The following PLPP1 variants were observed in gnomAD, a reference collection of about 807,000 sequenced individuals.
The protein encoded by PLPP1 is lipid phosphate phosphohydrolase 1a.
In PLPP1, 24 loss-of-function variants were observed where a neutral mutation model predicts 31.2. The observed-to-expected ratio is 0.77, with a 90% CI of 0.56 to 1.08. The LOEUF (loss-of-function observed/expected upper bound fraction) is 1.08, where lower values mean the gene tolerates loss of function less well. Among genes scored for constraint, PLPP1 ranks in the 50% least tolerant of loss-of-function variants. PLPP1 has a pLI of 0.00. For synonymous variants in PLPP1, 146 were observed against 126.3 expected (o/e 1.16, Z -1.05); for missense variants, 319 against 342.7 (o/e 0.93, Z 0.55).
chr5:55,509,577 A>G (rs933459779), intron 1 of PLPP1, among the ~76,000 whole-genome samples: 17 of 152,208 alleles, frequency 1.1e-4, no homozygotes, highest in Non-Finnish European at 1.9e-4. Flanking sequence ...TGGTTTTTAC[A>G]TTTGTAGTTT....
chr5:55,445,930 C>T (rs1365158179), intron 3 of PLPP1, among the ~76,000 whole-genome samples: 4 of 152,086 alleles, frequency 2.6e-5, no homozygotes, highest in East Asian at 3.9e-4. Flanking sequence ...GCTATCATTG[C>T]GCTATCTTCT....
chr5:55,462,731 T>G (rs549958982), intron 3 of PLPP1, among the ~76,000 whole-genome samples: 2 of 152,244 alleles, frequency 1.3e-5, no homozygotes, highest in South Asian at 4.2e-4. Context: ...CCCAGCACTT[T>G]GGGAGGCCAA....
chr5:55,458,272 TGGA>T (rs1752065404), intron 3 of PLPP1, among the ~76,000 whole-genome samples: 6 of 152,264 alleles, frequency 3.9e-5, no homozygotes, highest in Admixed American at 2.6e-4. Flanking sequence ...TGCAAAAGCT[TGGA>T]TATTTATGCC....
At chr5:55,527,176 T>A (rs1740482241) in intron 1 of PLPP1, among the ~76,000 whole-genome samples, 1 of 152,124 alleles carries the variant, frequency 6.6e-6, no homozygotes, top group South Asian at 2.1e-4. Flanking sequence ...TACTTGTTTT[T>A]TCCCCCTTTG....
intron 1 of PLPP1, among the ~76,000 whole-genome samples, chr5:55,497,116 C>G (rs989285159): frequency 2.0e-5 from 3 of 152,162 alleles, no homozygotes; most frequent in African/African-American, 7.2e-5. Flanking sequence ...TGCTACACAA[C>G]AGGGAAACTC....
At chr5:55,524,948 T>C (rs1187236388) in intron 1 of PLPP1, among the ~76,000 whole-genome samples, 1 of 152,180 alleles carries the variant, frequency 6.6e-6, no homozygotes, top group African/African-American at 2.4e-5. Flanking sequence ...TCAGGACTTA[T>C]CACTGTATAA....
rs776109683 is a variant in PLPP1 at position 55,485,399 on chromosome 5, T to TA, written c.59-9950dup. 7.9e-5 allele frequency among the ~76,000 whole-genome samples: 12 copies of TA among 152,278 alleles called. No homozygotes were observed. The South Asian group carries it at 2.5e-3, about 32-fold the overall frequency. ...CTTCTAAAAAGCCTAGTCAGCTACG[T>TA]AGACTGCTGAGCCACAGGACAAGGA... On this transcript the variant is annotated intron_variant, in intron 1 of 5. Transcript: ENST00000307259.
At chr5:55,476,358 C>T (rs1417413690) in intron 1 of PLPP1, among the ~76,000 whole-genome samples, 2 of 151,886 alleles carry the variant, frequency 1.3e-5, no homozygotes. Flanking sequence ...TGGAGTCAAG[C>T]ATAAAAGCAC....
chr5:55,441,363 G>A (rs1351618096), intron 4 of PLPP1, among the ~76,000 whole-genome samples: 3 of 152,222 alleles, frequency 2.0e-5, no homozygotes, highest in African/African-American at 7.2e-5. Flanking sequence ...CCCAGCAGTT[G>A]AAACCTTTCT....
intron 4 of PLPP1, among the ~76,000 whole-genome samples, chr5:55,437,614 A>G (rs911179087): frequency 4.6e-5 from 7 of 152,164 alleles, no homozygotes; most frequent in Non-Finnish European, 1.0e-4. Flanking sequence ...ATTTTGAAAT[A>G]GTGCTTTTAT....
intron 1 of PLPP1, among the ~76,000 whole-genome samples, chr5:55,483,949 T>TA (rs1369763414): frequency 6.6e-6 from 1 of 152,190 alleles, no homozygotes; most frequent in East Asian, 1.9e-4. Context: ...GATGAGCTAC[T>TA]AACTCACTAT....
At chr5:55,461,240 C>CGT (rs1752147895) in intron 3 of PLPP1, among the ~76,000 whole-genome samples, 4 of 152,092 alleles carry the variant, frequency 2.6e-5, no homozygotes, top group Admixed American at 1.3e-4. Flanking sequence ...CACAAAGAAA[C>CGT]TTCTAGGCCC....
At chr5:55,501,191 T>TA (rs1350543279) in intron 1 of PLPP1, among the ~76,000 whole-genome samples, 1 of 152,128 alleles carries the variant, frequency 6.6e-6, no homozygotes, top group Non-Finnish European at 1.5e-5. Flanking sequence ...CGGATGCCTG[T>TA]AATCCCAGCT....
intron 1 of PLPP1, chr5:55,530,121 T>G (rs190829392): frequency 1.9e-6 from 2 of 1,043,070 alleles, no homozygotes; most frequent in Non-Finnish European, 3.0e-6. Flanking sequence ...AAGATGGCAC[T>G]TGCAGGTACA....
intron 4 of PLPP1, among the ~76,000 whole-genome samples, chr5:55,432,234 T>G (rs1273774484): frequency 4.6e-5 from 7 of 151,906 alleles, no homozygotes; most frequent in Admixed American, 2.6e-4. Flanking sequence ...TAAGCTACCA[T>G]GCCTAGCTAT....
At chr5:55,469,516 A>T (rs1369869647) in intron 2 of PLPP1, among the ~76,000 whole-genome samples, 30 of 151,862 alleles carry the variant, frequency 2.0e-4, no homozygotes, top group African/African-American at 6.8e-4. Flanking sequence ...AAAATTAAAA[A>T]AAAAAAAAAA....
Position 55,475,232 on chromosome 5 carries a change from A to T in PLPP1, c.210+67T>A, listed in dbSNP as rs563160684. The T allele has an allele frequency of 2.9e-6, 4 of 1,391,736 alleles. No individual in the cohort carries two copies. In the Admixed American group the frequency reaches 7.0e-5, roughly 24 times the overall value. 86.2% of individuals were successfully genotyped at this position (1,391,736 alleles called of 1,614,324 possible). On this transcript the variant is annotated intron_variant, in intron 2 of 5. Coordinates refer to ENST00000307259, the MANE Select transcript of PLPP1 (RefSeq NM_003711.4). ...TGGAGGATTACACATTTAAGCATTA[A>T]AAGAGTAACAGAAAATTAAGCCAAG...
chr5:55,521,774 G>GT (rs1402301501), intron 1 of PLPP1, among the ~76,000 whole-genome samples: 1 of 152,020 alleles, frequency 6.6e-6, no homozygotes, highest in Non-Finnish European at 1.5e-5. Context: ...CCTATTTTTG[G>GT]TATCTCCAGT....
intron 1 of PLPP1, among the ~76,000 whole-genome samples, chr5:55,488,381 C>A (rs1230358958): frequency 6.6e-6 from 1 of 151,952 alleles, no homozygotes; most frequent in Admixed American, 6.6e-5. Flanking sequence ...TGTGGTGGCT[C>A]ATGCCTGTAA....
Sources: allele counts gnomAD v4.1 joint callset (sites outside exome capture counted in the v4.1 genomes callset), GRCh38; gene constraint gnomAD v4.1.1; transcripts MANE v1.5; gene names NCBI Gene and HGNC (gene_info 2026-07-23, HGNC 2026-07-21).